The following GNAL variants were observed in gnomAD, a reference collection of about 807,000 sequenced individuals.
The protein encoded by GNAL is G protein subunit alpha L, also known as guanine nucleotide-binding protein G(olf) subunit alpha.
GNAL carries 18 observed loss-of-function variants against 55.1 expected under a neutral mutation model. That is an observed-to-expected ratio of 0.33 (90% CI 0.23 to 0.48). The LOEUF is 0.48. Among genes scored for constraint, GNAL ranks in the 20% least tolerant of loss-of-function variants. The probability of loss-of-function intolerance (pLI) is 0.99; values close to 1 mark genes in which losing one functional copy is unlikely to be tolerated. For synonymous variants in GNAL, 253 were observed against 237.0 expected (o/e 1.07, Z -0.62); for missense variants, 412 against 614.1 (o/e 0.67, Z 3.48).
chr18:11,753,017 A>G (rs2032908969), intron 2 of GNAL, 92 bp downstream of exon 2: 1 of 690,200 alleles, frequency 1.4e-6, no homozygotes, highest in South Asian at 1.8e-5. Context: ...ATTTTAATTT[A>G]TTTGATAATG....
chr18:11,809,927 C>T (rs2034766037), intron 4 of GNAL, among the ~76,000 whole-genome samples: 1 of 152,210 alleles, frequency 6.6e-6, no homozygotes. Context: ...ACAGCTACTG[C>T]AGAATTACAG....
intron 1 of GNAL, among the ~76,000 whole-genome samples, chr18:11,736,479 T>C (rs2032466748): frequency 6.6e-6 from 1 of 152,252 alleles, no homozygotes; most frequent in African/African-American, 2.4e-5. Context: ...ATTTAAAGTA[T>C]CACATACCTT....
At chr18:11,773,468 CA>C (rs373979982) in intron 4 of GNAL, among the ~76,000 whole-genome samples, 18 of 152,126 alleles carry the variant, frequency 1.2e-4, no homozygotes, top group East Asian at 9.7e-4. Flanking sequence ...AAAATAGTAC[CA>C]AAAATCTCAT....
chr18:11,840,903 C>G (rs1942944229), intron 5 of GNAL, among the ~76,000 whole-genome samples: 1 of 142,574 alleles, frequency 7.0e-6, no homozygotes, highest in Admixed American at 7.2e-5. Flanking sequence ...GAGACACAGT[C>G]TCACTCTGTC....
At chr18:11,818,145 A>T (rs1450644079) in intron 4 of GNAL, among the ~76,000 whole-genome samples, 1 of 152,094 alleles carries the variant, frequency 6.6e-6, no homozygotes, top group African/African-American at 2.4e-5. Flanking sequence ...AGGCACGAGA[A>T]TGGCTTGAAC....
At chr18:11,704,477 C>T (rs934674789) in intron 1 of GNAL, among the ~76,000 whole-genome samples, 1 of 152,156 alleles carries the variant, frequency 6.6e-6, no homozygotes, top group Non-Finnish European at 1.5e-5. Flanking sequence ...CTAGGGTGAT[C>T]AGTGAGCAGT....
Position 11,876,640 on chromosome 18 carries a change from A to G in GNAL, c.1182A>G (p.Glu394=). 4 of 1,604,304 alleles carry G rather than the reference A, an allele frequency of 2.5e-6. No homozygotes were observed. The highest frequency in any genetic ancestry group is 1.7e-5 in the Admixed American group (1 of 60,006). The change falls in exon 11 of 12, where the codon GAA becomes GAG. Residue 394 remains glutamate (E), a synonymous_variant. Coordinates refer to ENST00000334049, the MANE Select transcript of GNAL (RefSeq NM_182978.4). ...CTACAGCAACACCAGATGCAGGAGA[A>G]GATCCCAAAGTTACAAGAGCCAAGT... The part of the protein sequence containing the change: ...VPEDATPDAG[E]DPKVTRAKFF...
chr18:11,786,436 C>CTTTTTTTTTTTTTTT lies in GNAL; in HGVS notation c.624+32507_624+32521dup, dbSNP rs66803403. The stretch of plus-strand genomic sequence containing the variant: ...GGTGGGATAGATCTTCATACGTTTT[C>CTTTTTTTTTTTTTTT]TTTTTTTTTTTTTTTTTTTTTTTTT... On this transcript the variant is annotated intron_variant, in intron 4 of 11. Coordinates refer to ENST00000334049, the MANE Select transcript of GNAL (RefSeq NM_182978.4). Among the ~76,000 whole-genome samples, 7 of 60,682 alleles carry CTTTTTTTTTTTTTTT rather than the reference C, an allele frequency of 1.2e-4. 1 individual carries two copies. The highest frequency in any genetic ancestry group is 1.7e-4 in the Non-Finnish European group (6 of 35,220). 39.8% of individuals were successfully genotyped at this position (60,682 alleles called of 152,430 possible).
At chr18:11,772,888 G>A (rs2033675043) in intron 4 of GNAL, among the ~76,000 whole-genome samples, 1 of 152,212 alleles carries the variant, frequency 6.6e-6, no homozygotes, top group African/African-American at 2.4e-5. Flanking sequence ...TCACCTGTCA[G>A]TCTCTCATTA....
At chr18:11,733,936 T>C (rs151012152) in intron 1 of GNAL, among the ~76,000 whole-genome samples, 1,573 of 151,058 alleles carry the variant, frequency 0.01, 24 homozygotes, top group African/African-American at 0.036. Flanking sequence ...TGCACATTCC[T>C]GGACAGGTCC....
At chr18:11,781,753 G>A (rs1345885752) in intron 4 of GNAL, among the ~76,000 whole-genome samples, 1 of 152,192 alleles carries the variant, frequency 6.6e-6, no homozygotes, top group Non-Finnish European at 1.5e-5. Context: ...CAACTGAACT[G>A]CCAAGCTACT....
At chr18:11,703,199 C>T (rs558130041) in intron 1 of GNAL, among the ~76,000 whole-genome samples, 4 of 152,324 alleles carry the variant, frequency 2.6e-5, no homozygotes, top group South Asian at 2.1e-4. Context: ...AGAAACCCCT[C>T]GTTTTGAGAG....
At chr18:11,731,942 A>T (rs759623478) in intron 1 of GNAL, among the ~76,000 whole-genome samples, 1 of 152,168 alleles carries the variant, frequency 6.6e-6, no homozygotes, top group Non-Finnish European at 1.5e-5. Flanking sequence ...TAATCTTATA[A>T]TATGTGGTCT....
chr18:11,690,729 G>A (rs1444796977), intron 1 of GNAL, among the ~76,000 whole-genome samples: 2 of 150,698 alleles, frequency 1.3e-5, no homozygotes, highest in East Asian at 2.0e-4. Context: ...TTGTTCTTCC[G>A]ATAGTTTACT....
At chr18:11,848,270 CAG>C (rs1470662708) in intron 5 of GNAL, among the ~76,000 whole-genome samples, 2 of 152,020 alleles carry the variant, frequency 1.3e-5, no homozygotes, top group African/African-American at 4.8e-5. Flanking sequence ...GGGGAACTGT[CAG>C]GGAGAGGAGG....
intron 2 of GNAL, 60 bp from the exon 3 acceptor site, chr18:11,753,568 A>C (rs989285758): frequency 9.4e-7 from 1 of 1,062,996 alleles, no homozygotes; most frequent in Non-Finnish European, 1.5e-6. Flanking sequence ...AATCCCACTC[A>C]ATTGATTGGA....
intron 4 of GNAL, among the ~76,000 whole-genome samples, chr18:11,777,909 C>T (rs1236665275): frequency 6.6e-6 from 1 of 152,174 alleles, no homozygotes; most frequent in Non-Finnish European, 1.5e-5. Flanking sequence ...GGTCACACAA[C>T]TAGTCAGTGA....
chr18:11,808,209 A>G (rs1038806937), intron 4 of GNAL, among the ~76,000 whole-genome samples: 1 of 151,896 alleles, frequency 6.6e-6, no homozygotes, highest in Non-Finnish European at 1.5e-5. Flanking sequence ...CTCTCCTCCA[A>G]TCACTCACCC....
At chr18:11,851,383 G>GCCGCTCAC in intron 5 of GNAL, 1 of 1,224,946 alleles carries the variant, frequency 8.2e-7, no homozygotes, top group Non-Finnish European at 1.1e-6. Flanking sequence ...CACCACCTGC[G>GCCGCTCAC]CCGCTCACAG....
Sources: gnomAD v4.1 joint callset for allele counts (sites outside exome capture counted in the v4.1 genomes callset) on GRCh38, gnomAD v4.1.1 for gene constraint, MANE v1.5 for transcripts, NCBI Gene and HGNC (gene_info 2026-07-23, HGNC 2026-07-21) for gene names.